PROSER2: variants seen among roughly 807,000 people sequenced by gnomAD.
The protein encoded by PROSER2 is proline and serine-rich protein 2.
A neutral mutation model predicts 14.6 loss-of-function variants in PROSER2; 18 were observed. That is an observed-to-expected ratio of 1.23 (90% CI 0.85 to 1.83). The LOEUF (loss-of-function observed/expected upper bound fraction) is 1.83. PROSER2 is among the 40% of genes most tolerant of loss of function. PROSER2 has a pLI of 0.00. For synonymous variants in PROSER2, 367 were observed against 286.4 expected (o/e 1.28, Z -2.84); for missense variants, 823 against 629.8 (o/e 1.31, Z -3.28).
Position 11,869,369 on chromosome 10 carries a change from C to CCTG in PROSER2, c.392-121_392-120insCTG. On this transcript the variant is annotated intron_variant, in intron 3 of 3. Coordinates refer to ENST00000277570, the MANE Select transcript of PROSER2 (RefSeq NM_153256.4). The surrounding 1 kb of genome is among the most constrained non-coding windows in gnomAD (Gnocchi z 4.4). ...AGGGAGAGAGGAGTTGACTCACAGG[C>CCTG]AGCACCGGCGAAGTTGGTGTCAGGT... The CCTG allele has an allele frequency of 1.4e-6, 1 of 692,010 alleles. No individual in the cohort carries two copies. Among genetic ancestry groups the CCTG allele is most frequent in the Non-Finnish European group, 2.6e-6 (1 of 387,250 alleles). 42.9% of individuals were successfully genotyped at this position (692,010 alleles called of 1,614,324 possible).
chr10:11,832,812 G>A (rs1833705356), intron 1 of PROSER2, among the ~76,000 whole-genome samples: 1 of 90,846 alleles, frequency 1.1e-5, no homozygotes. Context: ...TGTTTTTAGG[G>A]TGCTCTTTTT....
chr10:11,829,006 G>A (rs887806993), intron 1 of PROSER2, among the ~76,000 whole-genome samples: 4 of 152,244 alleles, frequency 2.6e-5, no homozygotes, highest in Admixed American at 2.6e-4. Context: ...GGCCAACATG[G>A]TGGAATTGAG....
At position 11,870,441 on chromosome 10, in the gene PROSER2, C is replaced by A. The variant is rs1024817136; in HGVS notation, c.*35C>A. 3 of 1,420,302 alleles carry A rather than the reference C, an allele frequency of 2.1e-6. No individual in the cohort carries two copies. The highest frequency in any genetic ancestry group is 1.8e-4 in the Middle Eastern group (1 of 5,444). 88.0% of individuals were successfully genotyped at this position (1,420,302 alleles called of 1,614,324 possible). On this transcript the variant is annotated 3_prime_UTR_variant, in exon 4 of 4. Transcript: ENST00000277570. ...GGGCTCCAGTCCACCCCGTTTCTCC[C>A]CACCCTGAAGAGAGGGTGAAAGAGT... is the stretch of plus-strand genomic sequence containing the variant.
chr10:11,852,355 GGTTCTTTA>G, intron 2 of PROSER2, 140 bp downstream of exon 2: 1 of 946,234 alleles, frequency 1.1e-6, no homozygotes, highest in Non-Finnish European at 1.5e-6. Context: ...TTTGTGAAGT[GGTTCTTTA>G]TTTTTAATCA....
Position 11,869,726 on chromosome 10 carries a change from G to C in PROSER2, c.628G>C (p.Ala210Pro), listed in dbSNP as rs1209793215. 8.2e-6 allele frequency: 13 copies of C among 1,590,126 alleles called. No homozygotes were observed. The highest frequency in any genetic ancestry group is 1.8e-5 in the Admixed American group (1 of 57,076). ...TTCCGAGAGGATGGCGGGGAACGAAGCCCTCTCGCCCACCTCCCCGTTCAG... is the reference window on the plus strand; with the variant it reads ...TTCCGAGAGGATGGCGGGGAACGAACCCCTCTCGCCCACCTCCCCGTTCAG... ...KISERMAGNEALSPTSPFREG... is the reference protein window; with the variant it reads ...KISERMAGNEPLSPTSPFREG... The change falls in exon 4 of 4, where the codon GCC becomes CCC. Residue 210 changes from alanine (A) to proline (P), a missense_variant. Physicochemically the swap from Ala to Pro is conservative, Grantham distance 27. Coordinates refer to ENST00000277570, the MANE Select transcript of PROSER2 (RefSeq NM_153256.4). The surrounding 1 kb of genome is among the most constrained non-coding windows in gnomAD (Gnocchi z 4.4).
chr10:11,843,690 A>C (rs1833883721), intron 1 of PROSER2, among the ~76,000 whole-genome samples: 1 of 151,200 alleles, frequency 6.6e-6, no homozygotes, highest in Non-Finnish European at 1.5e-5. Context: ...TGTCTCAAAA[A>C]AAAAAAAAAA....
intron 2 of PROSER2, among the ~76,000 whole-genome samples, chr10:11,864,879 G>A (rs760300165): frequency 1.1e-4 from 16 of 152,108 alleles, no homozygotes; most frequent in Non-Finnish European, 1.6e-4. Context: ...GTGAGCCACC[G>A]CACCTGGCTT....
At chr10:11,848,299 G>A (rs1308413160) in intron 1 of PROSER2, among the ~76,000 whole-genome samples, 2 of 152,180 alleles carry the variant, frequency 1.3e-5, no homozygotes, top group African/African-American at 2.4e-5. Context: ...CTCCCAAGTA[G>A]CTGGAATTAC....
intron 1 of PROSER2, among the ~76,000 whole-genome samples, chr10:11,849,082 G>T (rs548332250): frequency 6.6e-6 from 1 of 152,148 alleles, no homozygotes; most frequent in South Asian, 2.1e-4. Flanking sequence ...AGCTACTTGG[G>T]AGGCTGAGGC....
Position 11,870,087 on chromosome 10 carries a change from G to T in PROSER2, c.989G>T (p.Arg330Leu). The T allele has an allele frequency of 7.7e-7, 1 of 1,291,872 alleles. No individual in the cohort carries two copies. Among genetic ancestry groups the T allele is most frequent in the Non-Finnish European group, 9.8e-7 (1 of 1,020,460 alleles). 80.0% of individuals were successfully genotyped at this position (1,291,872 alleles called of 1,614,324 possible). The stretch of plus-strand genomic sequence containing the variant: ...CTGCCGGGCCCCGCTGAGAGTCTCC[G>T]GGCAGGGGGTCAGGCTCCGCGGGGC... ...RGLPGPAESL[R>L]AGGQAPRGPA... The change falls in exon 4 of 4, where the codon CGG becomes CTG. Residue 330 changes from arginine (R) to leucine (L), a missense_variant. Arg to Leu is a moderately radical substitution (Grantham distance 102, BLOSUM62 -2). Transcript: ENST00000277570.
intron 2 of PROSER2, among the ~76,000 whole-genome samples, chr10:11,855,768 C>G (rs941883175): frequency 6.6e-6 from 1 of 152,118 alleles, no homozygotes; most frequent in East Asian, 1.9e-4. Flanking sequence ...CCACACAAAA[C>G]AAATACATAA....
chr10:11,861,450 G>A (rs1163609741), intron 2 of PROSER2, among the ~76,000 whole-genome samples: 1 of 152,128 alleles, frequency 6.6e-6, no homozygotes, highest in African/African-American at 2.4e-5. Flanking sequence ...CTGTGGTACT[G>A]GATTGTGTGC....
chr10:11,863,197 C>G (rs1588498760), intron 2 of PROSER2, among the ~76,000 whole-genome samples: 1 of 152,068 alleles, frequency 6.6e-6, no homozygotes. Context: ...GTTTTCATCC[C>G]CAAAACAACA....
chr10:11,849,112 A>G lies in PROSER2; in HGVS notation c.-81-2885A>G, dbSNP rs186273645. ...TGAGGCAGGAGAATCGCTTGAACCC[A>G]GGAGGCGGAGGTTGCGGTAAGCCGA... is the stretch of plus-strand genomic sequence containing the variant. On this transcript the variant is annotated intron_variant, in intron 1 of 3. Coordinates refer to ENST00000277570, the MANE Select transcript of PROSER2 (RefSeq NM_153256.4). Among the ~76,000 whole-genome samples, 350 of 150,936 alleles carry G rather than the reference A, an allele frequency of 2.3e-3. 3 individuals carry two copies. Among genetic ancestry groups the G allele is most frequent in the African/African-American group, 8.1e-3 (327 of 40,344 alleles).
intron 1 of PROSER2, among the ~76,000 whole-genome samples, chr10:11,847,154 AAT>A (rs200913870): frequency 3.5e-4 from 31 of 88,244 alleles, no homozygotes; most frequent in East Asian, 1.1e-3. Flanking sequence ...AACATAAATA[AAT>A]ATATATATAT....
In PROSER2 at chr10:11,862,278, T is replaced by C. The variant is rs1025683707; in HGVS notation, c.139-4253T>C. ...GGGCATGCGTGTGTTTATGTGAATA[T>C]GCAAATTGACAAACTGATACTAAAA... On this transcript the variant is annotated intron_variant, in intron 2 of 3. Transcript: ENST00000277570. The surrounding 1 kb of genome is among the most constrained non-coding windows in gnomAD (Gnocchi z 4.2). Among the ~76,000 whole-genome samples the C allele has an allele frequency of 6.6e-6, 1 of 152,166 alleles. No homozygotes were observed. The highest frequency in any genetic ancestry group is 1.5e-5 in the Non-Finnish European group (1 of 68,040).
chr10:11,839,452 G>T (rs1361894041), intron 1 of PROSER2, among the ~76,000 whole-genome samples: 1 of 152,144 alleles, frequency 6.6e-6, no homozygotes, highest in East Asian at 1.9e-4. Context: ...ATTTCTGTTG[G>T]ATAGAAATAA....
chr10:11,863,546 A>C (rs201451228), intron 2 of PROSER2, among the ~76,000 whole-genome samples: 13 of 150,998 alleles, frequency 8.6e-5, no homozygotes, highest in Non-Finnish European at 1.6e-4. Context: ...CCCCCCACAA[A>C]AAAAAAAAAA....
intron 1 of PROSER2, among the ~76,000 whole-genome samples, chr10:11,840,244 C>T (rs4750124): frequency 0.07 from 10,432 of 149,900 alleles, 443 homozygotes; most frequent in East Asian, 0.099. Flanking sequence ...TGAGCCACCA[C>T]GCTGTCCTCA....
Sources: gnomAD v4.1 joint callset for allele counts (sites outside exome capture counted in the v4.1 genomes callset) on GRCh38, gnomAD v4.1.1 for gene constraint, Gnocchi (gnomAD v3.1) non-coding constraint, MANE v1.5 for transcripts, NCBI Gene and HGNC (gene_info 2026-07-23, HGNC 2026-07-21) for gene names.